The following LRRTM4 variants were observed in gnomAD, a reference collection of about 807,000 sequenced individuals.
LRRTM4 encodes the protein leucine rich repeat transmembrane neuronal 4, also known as leucine-rich repeat transmembrane neuronal protein 4.
LRRTM4 carries 25 observed loss-of-function variants against 47.6 expected under a neutral mutation model. That is an observed-to-expected ratio of 0.53 (90% CI 0.38 to 0.73). The LOEUF is 0.73. Ranked by LOEUF, LRRTM4 falls within the 30% of genes least tolerant of loss-of-function variation. The probability of loss-of-function intolerance (pLI) is 0.00; values close to 1 mark genes in which losing one functional copy is unlikely to be tolerated. For missense variants in LRRTM4, 638 were observed against 713.4 expected (o/e 0.89, Z 1.20); for synonymous variants, 311 against 269.5 (o/e 1.15, Z -1.51).
intron 3 of LRRTM4, among the ~76,000 whole-genome samples, chr2:77,303,461 C>G (rs76857485): frequency 0.036 from 5,465 of 152,174 alleles, 335 homozygotes; most frequent in African/African-American, 0.12. Flanking sequence ...AGAAGGAAAA[C>G]TAATAAATTA....
intron 3 of LRRTM4, among the ~76,000 whole-genome samples, chr2:77,512,769 G>A (rs1022253006): frequency 1.3e-5 from 2 of 152,036 alleles, no homozygotes; most frequent in African/African-American, 4.8e-5. Flanking sequence ...GGTATCCTGT[G>A]GATATTATTG....
chr2:77,388,002 T>G (rs1428048674), intron 3 of LRRTM4, among the ~76,000 whole-genome samples: 2 of 152,112 alleles, frequency 1.3e-5, no homozygotes, highest in African/African-American at 4.8e-5. Context: ...GTTCTTTTTC[T>G]GCTCAGATCA....
chr2:77,398,957 G>A (rs1673824123), intron 3 of LRRTM4, among the ~76,000 whole-genome samples: 1 of 151,684 alleles, frequency 6.6e-6, no homozygotes, highest in African/African-American at 2.4e-5. Context: ...GTAGGGGGAA[G>A]GTAGATACTA....
At chr2:77,002,839 C>T (rs1472399680) in intron 3 of LRRTM4, among the ~76,000 whole-genome samples, 1 of 152,132 alleles carries the variant, frequency 6.6e-6, no homozygotes, top group Non-Finnish European at 1.5e-5. Context: ...CCCATCAATA[C>T]TCTTCATCAC....
intron 3 of LRRTM4, among the ~76,000 whole-genome samples, chr2:77,285,528 G>T (rs537892100): frequency 2.5e-3 from 380 of 151,758 alleles, no homozygotes; most frequent in South Asian, 0.011. Flanking sequence ...GATCGCCTGA[G>T]GTCAGGAGTT....
rs543697858 is a variant in LRRTM4, at chr2:77,305,768, A to G, written c.1551+212550T>C. Among the ~76,000 whole-genome samples, 179 of 152,274 alleles carry G rather than the reference A, an allele frequency of 1.2e-3. 2 individuals carry two copies. In the Middle Eastern group the frequency reaches 0.02, roughly 17 times the overall value. On this transcript the variant is annotated intron_variant, in intron 3 of 3. Coordinates refer to ENST00000409884, the MANE Select transcript of LRRTM4 (RefSeq NM_001134745.3). ...ATGTTATACTTTCTGAGAAATGTGC[A>G]AAGTATTATGTTTAAATAATACAAT...
chr2:77,378,754 G>A (rs1232764756), intron 3 of LRRTM4, among the ~76,000 whole-genome samples: 3 of 152,054 alleles, frequency 2.0e-5, no homozygotes, highest in Admixed American at 6.6e-5. Context: ...AACAGGCAGG[G>A]CATTTAAAAT....
chr2:77,418,399 C>T (rs113288404), intron 3 of LRRTM4, among the ~76,000 whole-genome samples: 7 of 152,230 alleles, frequency 4.6e-5, no homozygotes, highest in African/African-American at 1.4e-4. Context: ...AAGATACCTA[C>T]AAATTTGGGG....
At chr2:76,914,650 C>CA (rs1382775783) in intron 3 of LRRTM4, among the ~76,000 whole-genome samples, 1 of 152,072 alleles carries the variant, frequency 6.6e-6, no homozygotes, top group East Asian at 1.9e-4. Flanking sequence ...TTATCTGACT[C>CA]AAAAAACTTC....
intron 3 of LRRTM4, among the ~76,000 whole-genome samples, chr2:76,797,748 T>A (rs1305158902): frequency 1.3e-5 from 2 of 150,360 alleles, no homozygotes; most frequent in African/African-American, 4.9e-5. Context: ...ACACATAGGC[T>A]CAAAATAAAA....
chr2:77,506,687 G>A (rs1456098732), intron 3 of LRRTM4, among the ~76,000 whole-genome samples: 1 of 151,884 alleles, frequency 6.6e-6, no homozygotes, highest in Non-Finnish European at 1.5e-5. Flanking sequence ...TTGGCAATGT[G>A]TTAAGTAGAT....
intron 3 of LRRTM4, among the ~76,000 whole-genome samples, chr2:77,354,126 T>A (rs1371144819): frequency 6.6e-6 from 1 of 152,170 alleles, no homozygotes; most frequent in Admixed American, 6.5e-5. Flanking sequence ...GGCAGTAACT[T>A]CCAGGTGTTG....
At chr2:77,494,782 C>T (rs1310270097) in intron 3 of LRRTM4, among the ~76,000 whole-genome samples, 1 of 151,976 alleles carries the variant, frequency 6.6e-6, no homozygotes. Context: ...TCGTTGTTCC[C>T]CTCTTCAGTC....
Position 77,416,447 on chromosome 2 carries a change from C to T in LRRTM4, c.1551+101871G>A, listed in dbSNP as rs573214293. On this transcript the variant is annotated intron_variant, in intron 3 of 3. Transcript: ENST00000409884. ...CTCATGGTAAGTACTAAAACATTTA[C>T]TTGTAAGAGGTTTTATTTCATGCTT... is the stretch of plus-strand genomic sequence containing the variant. Among the ~76,000 whole-genome samples, 7 of 152,184 alleles carry T rather than the reference C, an allele frequency of 4.6e-5. No individual in the cohort carries two copies. The East Asian group carries it at 9.7e-4, about 21-fold the overall frequency.
chr2:76,807,451 T>TATATACATATATATATACGTATATAC (rs1558667548), intron 3 of LRRTM4, among the ~76,000 whole-genome samples: 1 of 98,798 alleles, frequency 1.0e-5, no homozygotes, highest in African/African-American at 5.4e-5. Context: ...TATACATATA[T>TATATACATATATATATACGTATATAC]ATATATACAT....
chr2:77,030,183 A>C (rs1043326495), intron 3 of LRRTM4, among the ~76,000 whole-genome samples: 3 of 152,238 alleles, frequency 2.0e-5, no homozygotes, highest in Non-Finnish European at 4.4e-5. Flanking sequence ...CTGTAATCCC[A>C]GCACTTTGGG....
At chr2:76,806,523 A>G (rs1038092849) in intron 3 of LRRTM4, among the ~76,000 whole-genome samples, 1 of 152,156 alleles carries the variant, frequency 6.6e-6, no homozygotes, top group Non-Finnish European at 1.5e-5. Context: ...GGAGGTTGCA[A>G]TGAGCCAAGA....
intron 3 of LRRTM4, among the ~76,000 whole-genome samples, chr2:76,854,458 T>C (rs1672088940): frequency 6.6e-6 from 1 of 152,020 alleles, no homozygotes; most frequent in African/African-American, 2.4e-5. Flanking sequence ...TACAAAGCTA[T>C]GAGGATGGTG....
At chr2:76,998,154 T>C (rs1677270334) in intron 3 of LRRTM4, among the ~76,000 whole-genome samples, 1 of 152,088 alleles carries the variant, frequency 6.6e-6, no homozygotes, top group African/African-American at 2.4e-5. Context: ...GCTCCCCATG[T>C]CTGTGGAAAA....
Sources: gnomAD v4.1 joint callset for allele counts (sites outside exome capture counted in the v4.1 genomes callset) on GRCh38, gnomAD v4.1.1 for gene constraint, MANE v1.5 for transcripts, NCBI Gene and HGNC (gene_info 2026-07-23, HGNC 2026-07-21) for gene names.